Variants in HIVEP2 observed in about 807,000 individuals in gnomAD.
The protein encoded by HIVEP2 is HIVEP zinc finger 2, also known as transcription factor HIVEP2.
In HIVEP2, 14 loss-of-function variants were observed where a neutral mutation model predicts 180.7. That is an observed-to-expected ratio of 0.08 (90% CI 0.05 to 0.12). The LOEUF (loss-of-function observed/expected upper bound fraction) is 0.12, where lower values mean the gene tolerates loss of function less well. Ranked by LOEUF, HIVEP2 falls within the 10% of genes least tolerant of loss-of-function variation. The pLI, the probability that HIVEP2 is intolerant of heterozygous loss-of-function variation, is 1.00. For synonymous variants in HIVEP2, 1,184 were observed against 1,136.4 expected (o/e 1.04, Z -0.84); for missense variants, 2,579 against 3,008.5 (o/e 0.86, Z 3.34).
intron 1 of HIVEP2, among the ~76,000 whole-genome samples, chr6:142,897,879 T>C (rs1428285419): frequency 6.6e-6 from 1 of 152,222 alleles, no homozygotes; most frequent in Non-Finnish European, 1.5e-5. Context: ...TCCTTCTCTG[T>C]CTCACTCTAT....
intron 1 of HIVEP2, among the ~76,000 whole-genome samples, chr6:142,928,103 G>A (rs935250116): frequency 6.6e-6 from 1 of 152,180 alleles, no homozygotes; most frequent in African/African-American, 2.4e-5. Context: ...ATGTGTCGAT[G>A]TAGGTTCTTG....
At position 142,787,241 on chromosome 6, in the gene HIVEP2, G is replaced by A. The variant is rs560793273; in HGVS notation, c.-527-3626C>T. Among the ~76,000 whole-genome samples, 571 of 128,848 alleles carry A rather than the reference G, an allele frequency of 4.4e-3. 5 individuals carry two copies. Among genetic ancestry groups the A allele is most frequent in the African/African-American group, 0.013 (475 of 37,390 alleles). The allele number at this position is 128,848 out of a possible 152,430, so 84.5% of individuals were successfully genotyped here. A position where few individuals can be genotyped will look rare whatever the true frequency, so the allele number is the denominator to read the frequency against. On this transcript the variant is annotated intron_variant, in intron 2 of 9. Transcript: ENST00000367603. ...AGTCTGGGGGATAGAGTGAGACCCC[G>A]TCTCAAAAATAAATAAATAAATAAA...
intron 1 of HIVEP2, among the ~76,000 whole-genome samples, chr6:142,883,364 T>G (rs1229161863): frequency 6.6e-6 from 1 of 151,984 alleles, no homozygotes; most frequent in African/African-American, 2.4e-5. Flanking sequence ...CATCAGATTA[T>G]CAAAATGAGG....
intron 6 of HIVEP2, among the ~76,000 whole-genome samples, chr6:142,767,782 C>T (rs1467890383): frequency 6.6e-6 from 1 of 152,144 alleles, no homozygotes; most frequent in Non-Finnish European, 1.5e-5. Context: ...ACTCAGGACT[C>T]AAGATTTGAA....
At position 142,752,575 on chromosome 6, in the gene HIVEP2, A is replaced by C. The variant is rs1029441264; in HGVS notation, c.*532T>G. Reference sequence around the variant, plus strand: ...AATCCCATGCTTCACATAGAAAAGCAATCCACAACATTAAGAAAAAATGTA... The same window carrying C: ...AATCCCATGCTTCACATAGAAAAGCCATCCACAACATTAAGAAAAAATGTA... On this transcript the variant is annotated 3_prime_UTR_variant, in exon 10 of 10. Transcript: ENST00000367603. The C allele has an allele frequency of 1.3e-5, 2 of 153,682 alleles. No homozygotes were observed. The highest frequency in any genetic ancestry group is 4.8e-5 in the African/African-American group (2 of 41,464). The allele number at this position is 153,682 out of a possible 1,614,324, so 9.5% of individuals were successfully genotyped here. A position where few individuals can be genotyped will look rare whatever the true frequency, so the allele number is the denominator to read the frequency against.
chr6:142,821,318 C>T (rs1471154123), intron 2 of HIVEP2, among the ~76,000 whole-genome samples: 1 of 151,804 alleles, frequency 6.6e-6, no homozygotes, highest in Non-Finnish European at 1.5e-5. Context: ...TACACTCATT[C>T]GTAGTCTAAC....
chr6:142,914,933 T>G (rs1195718456), intron 1 of HIVEP2, among the ~76,000 whole-genome samples: 3 of 152,188 alleles, frequency 2.0e-5, no homozygotes, highest in Non-Finnish European at 2.9e-5. Flanking sequence ...CCCCTTCTTT[T>G]AAGGCCCAAT....
intron 1 of HIVEP2, among the ~76,000 whole-genome samples, chr6:142,881,634 A>G (rs978920421): frequency 6.6e-6 from 1 of 152,224 alleles, no homozygotes; most frequent in Non-Finnish European, 1.5e-5. Context: ...GCTTTCAGCT[A>G]TCAGGATAGT....
intron 1 of HIVEP2, among the ~76,000 whole-genome samples, chr6:142,906,090 C>T (rs1392161167): frequency 6.6e-6 from 1 of 152,112 alleles, no homozygotes; most frequent in Non-Finnish European, 1.5e-5. Flanking sequence ...GCTGAGATGG[C>T]ACCATTGCAC....
At chr6:142,775,837 A>AG (rs1317311715) in intron 4 of HIVEP2, among the ~76,000 whole-genome samples, 2 of 151,156 alleles carry the variant, frequency 1.3e-5, no homozygotes, top group African/African-American at 4.9e-5. Context: ...CCATCTCAAA[A>AG]AAAAACCATA....
intron 1 of HIVEP2, among the ~76,000 whole-genome samples, chr6:142,862,674 C>T (rs1776023011): frequency 7.1e-6 from 1 of 141,038 alleles, no homozygotes; most frequent in Non-Finnish European, 1.5e-5. Flanking sequence ...ATATTGTGTA[C>T]TATATCTATT....
chr6:142,892,889 A>T (rs1051338846), intron 1 of HIVEP2, among the ~76,000 whole-genome samples: 1 of 152,114 alleles, frequency 6.6e-6, no homozygotes, highest in African/African-American at 2.4e-5. Flanking sequence ...GCTCGCTACA[A>T]CTCTCAGAAG....
At chr6:142,909,669 C>A (rs1427870259) in intron 1 of HIVEP2, among the ~76,000 whole-genome samples, 1 of 152,166 alleles carries the variant, frequency 6.6e-6, no homozygotes, top group Non-Finnish European at 1.5e-5. Context: ...CAAACCTACT[C>A]ATTTATTTAT....
intron 9 of HIVEP2, among the ~76,000 whole-genome samples, chr6:142,759,245 G>A (rs1362869880): frequency 1.3e-5 from 2 of 152,176 alleles, no homozygotes; most frequent in Non-Finnish European, 2.9e-5. Flanking sequence ...GGAGGTTGTA[G>A]TGAGCCAAAG....
intron 1 of HIVEP2, among the ~76,000 whole-genome samples, chr6:142,874,218 C>T (rs745465254): frequency 3.3e-5 from 5 of 152,122 alleles, no homozygotes; most frequent in Non-Finnish European, 7.4e-5. Context: ...TTCAACTACT[C>T]ATGAATATAT....
At chr6:142,781,741 A>G (rs536573068) in intron 3 of HIVEP2, among the ~76,000 whole-genome samples, 1 of 152,296 alleles carries the variant, frequency 6.6e-6, no homozygotes, top group East Asian at 1.9e-4. Context: ...GTCCCACTCA[A>G]ATAAGTTTGG....
rs115649655 is a variant in HIVEP2 at position 142,942,258 on chromosome 6, G to A, written c.-641+2841C>T. Reference sequence around the variant, plus strand: ...AACCCAATACAGTGTACAACACAGAGTTATTTGTTATTGCTGCTGTTAAAA... The same window carrying A: ...AACCCAATACAGTGTACAACACAGAATTATTTGTTATTGCTGCTGTTAAAA... On this transcript the variant is annotated intron_variant, in intron 1 of 9. Coordinates refer to ENST00000367603, the MANE Select transcript of HIVEP2 (RefSeq NM_006734.4). Among the ~76,000 whole-genome samples, 582 of 151,544 alleles carry A rather than the reference G, an allele frequency of 3.8e-3. 3 individuals carry two copies. Among genetic ancestry groups the A allele is most frequent in the African/African-American group, 0.013 (557 of 41,264 alleles).
At chr6:142,944,086 T>C (rs951036969) in intron 1 of HIVEP2, among the ~76,000 whole-genome samples, 3 of 152,220 alleles carry the variant, frequency 2.0e-5, no homozygotes, top group Admixed American at 6.5e-5. Flanking sequence ...TAGATGCTTT[T>C]AAGTCAGAGA....
At chr6:142,756,700 GGCCACA>G (rs61046737) in intron 9 of HIVEP2, among the ~76,000 whole-genome samples, 10,068 of 151,572 alleles carry the variant, frequency 0.066, 992 homozygotes, top group African/African-American at 0.22. Flanking sequence ...AAAAAGATAA[GGCCACA>G]GCCATAATAT....
Sources: gnomAD v4.1 joint callset for allele counts (sites outside exome capture counted in the v4.1 genomes callset) on GRCh38, gnomAD v4.1.1 for gene constraint, MANE v1.5 for transcripts, NCBI Gene and HGNC (gene_info 2026-07-23, HGNC 2026-07-21) for gene names.